IL18R1: variants seen among roughly 807,000 people sequenced by gnomAD.
IL18R1 encodes the protein interleukin-18 receptor 1.
IL18R1 carries 40 observed loss-of-function variants against 48.5 expected under a neutral mutation model. The ratio of observed to expected loss-of-function variants is 0.82; its 90% CI spans 0.64 to 1.07. The LOEUF is 1.07. IL18R1 is among the 50% of genes least tolerant of loss of function. The pLI is 0.00. For missense variants in IL18R1, 596 were observed against 633.7 expected, an observed-to-expected ratio of 0.94 and a Z score of 0.64; for synonymous variants, 232 against 225.9, an observed-to-expected ratio of 1.03 and a Z score of -0.24.
chr2:102,385,229 T>C (rs1001380283), intron 7 of IL18R1, among the ~76,000 whole-genome samples: 4 of 152,160 alleles, frequency 2.6e-5, no homozygotes, highest in Non-Finnish European at 5.9e-5. Flanking sequence ...GAGAAGGCCA[T>C]TGAGGGTATT....
Position 102,362,647 on chromosome 2 carries a change from G to A in IL18R1, c.-14G>A. ...CTGTTTTCCAGAGAAGCCATTTGAAGCAGAATCCAAACCATGAATTGTAGA... is the reference window on the plus strand; with the variant it reads ...CTGTTTTCCAGAGAAGCCATTTGAAACAGAATCCAAACCATGAATTGTAGA... On this transcript the variant is annotated 5_prime_UTR_variant, in exon 2 of 11. Coordinates refer to ENST00000233957, the MANE Select transcript of IL18R1 (RefSeq NM_003855.5). The A allele has an allele frequency of 6.3e-7, 1 of 1,598,392 alleles. No homozygotes were observed. The highest frequency in any genetic ancestry group is 8.5e-7 in the Non-Finnish European group (1 of 1,174,816).
chr2:102,376,258 G>A (rs1236728046), intron 5 of IL18R1, among the ~76,000 whole-genome samples, 195 bp downstream of exon 5: 2 of 152,148 alleles, frequency 1.3e-5, no homozygotes, highest in African/African-American at 4.8e-5. Context: ...TTTTTGGCAG[G>A]AAATGAAAAT....
At chr2:102,382,115 A>C (rs1428384965) in intron 6 of IL18R1, among the ~76,000 whole-genome samples, 2 of 152,120 alleles carry the variant, frequency 1.3e-5, no homozygotes, top group African/African-American at 2.4e-5. Flanking sequence ...TCTACTAAAA[A>C]TACAAAAATT....
At chr2:102,358,317 T>A (rs892863100) in intron 1 of IL18R1, among the ~76,000 whole-genome samples, 6 of 150,756 alleles carry the variant, frequency 4.0e-5, no homozygotes, top group African/African-American at 1.5e-4. Flanking sequence ...CAGGTGACTG[T>A]TTGGACCCTC....
chr2:102,367,278 C>T (rs1247713815), intron 2 of IL18R1, among the ~76,000 whole-genome samples: 2 of 152,108 alleles, frequency 1.3e-5, no homozygotes, highest in Admixed American at 1.3e-4. Context: ...AATAAATGTA[C>T]ACACACTGTA....
chr2:102,370,243 A>T (rs1269160545), intron 3 of IL18R1, among the ~76,000 whole-genome samples: 1 of 152,212 alleles, frequency 6.6e-6, no homozygotes, highest in African/African-American at 2.4e-5. Context: ...ATGGAGTGTC[A>T]TCAGTCCTCT....
chr2:102,371,840 C>A (rs11465606), intron 3 of IL18R1, 113 bp from the exon 4 acceptor site: 12,619 of 641,406 alleles, frequency 0.02, 174 homozygotes, highest in Non-Finnish European at 0.027. Flanking sequence ...ATGAATCAAT[C>A]TCTTTAATAA....
chr2:102,374,045 T>C (rs890409240), intron 4 of IL18R1: 6 of 319,964 alleles, frequency 1.9e-5, no homozygotes, highest in Non-Finnish European at 3.3e-5. Context: ...ACAATAGAAA[T>C]AAAGTGCACA....
Position 102,381,751 on chromosome 2 carries a change from T to C in IL18R1, c.688+69T>C, listed in dbSNP as rs1679933473. 1.1e-5 allele frequency: 11 copies of C among 971,174 alleles called. No individual in the cohort carries two copies. The South Asian group carries it at 1.3e-4, about 12-fold the overall frequency. 60.2% of individuals were successfully genotyped at this position (971,174 alleles called of 1,614,324 possible). A position where few individuals can be genotyped will look rare whatever the true frequency, so the allele number is the denominator to read the frequency against. On this transcript the variant is annotated intron_variant, in intron 6 of 10. Coordinates refer to ENST00000233957, the MANE Select transcript of IL18R1 (RefSeq NM_003855.5). ...CATAATAGAGCCTTCCAAGCGTAAA[T>C]ATGATTCATTATTGAATGACACTGG...
rs1680896541 is a variant in IL18R1 at position 102,397,733 on chromosome 2, A to C, written c.*847A>C. 1 of 152,316 alleles carries C rather than the reference A, an allele frequency of 6.6e-6. No individual in the cohort carries two copies. The highest frequency in any genetic ancestry group is 2.4e-5 in the African/African-American group (1 of 41,438). 9.4% of individuals were successfully genotyped at this position (152,316 alleles called of 1,614,324 possible). ...GATAGTTACTTGCTTGTTTTTTAAA[A>C]ATTACATATTAAAAATGCCCTTGGC... On this transcript the variant is annotated 3_prime_UTR_variant, in exon 11 of 11. Coordinates refer to ENST00000233957, the MANE Select transcript of IL18R1 (RefSeq NM_003855.5).
chr2:102,383,452 A>G (rs766001379), intron 6 of IL18R1, among the ~76,000 whole-genome samples: 27 of 152,158 alleles, frequency 1.8e-4, no homozygotes, highest in Non-Finnish European at 2.5e-4. Flanking sequence ...TTTGTCTTAC[A>G]TAGTTTGGAG....
intron 3 of IL18R1, among the ~76,000 whole-genome samples, chr2:102,369,366 T>C (rs1032604766): frequency 2.0e-5 from 3 of 152,212 alleles, no homozygotes; most frequent in Non-Finnish European, 2.9e-5. Flanking sequence ...TAGTAGAGAA[T>C]ACAGCCTGGC....
chr2:102,394,975 T>G (rs1680748267), intron 10 of IL18R1, among the ~76,000 whole-genome samples: 1 of 152,218 alleles, frequency 6.6e-6, no homozygotes, highest in Non-Finnish European at 1.5e-5. Context: ...CAGCAGTTCC[T>G]AATTTAACAT....
intron 6 of IL18R1, among the ~76,000 whole-genome samples, chr2:102,383,097 T>C (rs913764160): frequency 6.6e-6 from 1 of 152,224 alleles, no homozygotes; most frequent in African/African-American, 2.4e-5. Flanking sequence ...TGGTGAACTT[T>C]CTAGTTCTTG....
chr2:102,379,059 C>T (rs1679762337), intron 5 of IL18R1, among the ~76,000 whole-genome samples: 1 of 152,126 alleles, frequency 6.6e-6, no homozygotes, highest in South Asian at 2.1e-4. Context: ...ACCTCTCCTC[C>T]CCATCCTAAG....
intron 5 of IL18R1, among the ~76,000 whole-genome samples, chr2:102,376,869 C>T (rs1029400555): frequency 8.5e-5 from 13 of 152,220 alleles, no homozygotes; most frequent in African/African-American, 2.9e-4. Flanking sequence ...GCAGTGTAGT[C>T]CAGATTTTAA....
Position 102,386,910 on chromosome 2 carries a change from A to T in IL18R1, c.859A>T (p.Ile287Phe). 1 of 1,614,198 alleles carries T rather than the reference A, an allele frequency of 6.2e-7. No homozygotes were observed. Among genetic ancestry groups the T allele is most frequent in the Non-Finnish European group, 8.5e-7 (1 of 1,179,986 alleles). Reference sequence around the variant, plus strand: ...TTCAAAAGTATTGAGAATTGAAAATATTGGTGAAAGCAATCTAAATGTTTT... The same window carrying T: ...TTCAAAAGTATTGAGAATTGAAAATTTTGGTGAAAGCAATCTAAATGTTTT... ...HASKVLRIEN[I>F]GESNLNVLYN... Residue 287 changes from isoleucine to phenylalanine, a missense_variant, in exon 8 of 11, where the codon ATT becomes TTT. Ile to Phe is a conservative substitution (Grantham distance 21). Coordinates refer to ENST00000233957, the MANE Select transcript of IL18R1 (RefSeq NM_003855.5).
intron 3 of IL18R1, 105 bp from the exon 4 acceptor site, chr2:102,371,848 T>A: frequency 1.5e-6 from 1 of 678,690 alleles, no homozygotes; most frequent in Non-Finnish European, 2.4e-6. Flanking sequence ...ATCTCTTTAA[T>A]AAAAATAAAG....
At chr2:102,369,075 C>A (rs1168286151) in intron 3 of IL18R1, among the ~76,000 whole-genome samples, 1 of 152,030 alleles carries the variant, frequency 6.6e-6, no homozygotes. Flanking sequence ...CTTTAGATGA[C>A]CTTTTAAGAG....
Sources: allele counts gnomAD v4.1 joint callset (sites outside exome capture counted in the v4.1 genomes callset), GRCh38; gene constraint gnomAD v4.1.1; transcripts MANE v1.5; gene names NCBI Gene and HGNC (gene_info 2026-07-23, HGNC 2026-07-21).